Variants in PIP4K2C observed in about 807,000 individuals in gnomAD.
PIP4K2C encodes the protein phosphatidylinositol-5-phosphate 4-kinase type 2 gamma.
In PIP4K2C, 21 loss-of-function variants were observed where a neutral mutation model predicts 45.0. The ratio of observed to expected loss-of-function variants is 0.47; its 90% confidence interval spans 0.33 to 0.67. The LOEUF (loss-of-function observed/expected upper bound fraction) is 0.67. Ranked by LOEUF, PIP4K2C falls within the 30% of genes least tolerant of loss-of-function variation. The pLI is 0.02. For synonymous variants in PIP4K2C, 201 were observed against 204.8 expected (o/e 0.98, Z 0.16); for missense variants, 456 against 542.8 (o/e 0.84, Z 1.59).
At chr12:57,594,269 G>A in intron 2 of PIP4K2C, 147 bp downstream of exon 2, 1 of 671,200 alleles carries the variant, frequency 1.5e-6, no homozygotes, top group Non-Finnish European at 2.5e-6. Context: ...AATAATTTCT[G>A]GTGTTCCCTA....
intron 1 of PIP4K2C, 75 bp from the exon 2 acceptor site, chr12:57,593,950 C>A: frequency 1.8e-6 from 2 of 1,089,712 alleles, no homozygotes; most frequent in Non-Finnish European, 2.7e-6. Context: ...TGCATGACTG[C>A]TGCCCAGACA....
At chr12:57,599,561 T>A in intron 6 of PIP4K2C, 123 bp downstream of exon 6, 1 of 1,094,818 alleles carries the variant, frequency 9.1e-7, no homozygotes, top group Non-Finnish European at 1.4e-6. Context: ...TTTATTATCT[T>A]AAACCACTTA....
chr12:57,598,053 AAG>A (rs1432968449), intron 4 of PIP4K2C: 1 of 152,182 alleles, frequency 6.6e-6, no homozygotes, highest in East Asian at 1.9e-4. Flanking sequence ...GCAACACAGA[AAG>A]AGAGATGGTA....
At position 57,591,340 on chromosome 12, in the gene PIP4K2C, C is replaced by T. The variant is rs369839047; in HGVS notation, c.51C>T (p.Gly17=). 6.2e-7 allele frequency: 1 copy of T among 1,613,302 alleles called. No individual in the cohort carries two copies. The highest frequency in any genetic ancestry group is 1.3e-5 in the African/African-American group (1 of 74,994). Residue 17 remains glycine (G), a synonymous_variant, in exon 1 of 10, where the codon GGC becomes GGT. Coordinates refer to ENST00000354947, the MANE Select transcript of PIP4K2C (RefSeq NM_024779.5). ...PPATVSAATA[G]PGPGFGFASK... ...CCACGGTATCGGCGGCGACAGCAGG[C>T]CCCGGCCCAGGTTTCGGCTTCGCCT...
chr12:57,599,592 G>T (rs1038724158), intron 6 of PIP4K2C, among the ~76,000 whole-genome samples, 154 bp downstream of exon 6: 6 of 152,156 alleles, frequency 3.9e-5, no homozygotes, highest in Admixed American at 2.6e-4. Context: ...GTAAACTTCT[G>T]TTGATCCGGG....
Position 57,591,445 on chromosome 12 carries a change from G to C in PIP4K2C, c.156G>C (p.Leu52=). 6.2e-7 allele frequency: 1 copy of C among 1,612,580 alleles called. No individual in the cohort carries two copies. Among genetic ancestry groups the C allele is most frequent in the Admixed American group, 1.7e-5 (1 of 59,898 alleles). ...RAADPLVGVF[L]WGVAHSINEL... is the part of the protein sequence containing the mutation. ...CCGACCCGCTGGTGGGTGTGTTCCT[G>C]TGGGGCGTAGCCCACTCGGTGAGAA... The change falls in exon 1 of 10, where the codon CTG becomes CTC. Residue 52 remains leucine (L), a synonymous_variant. Transcript: ENST00000354947.
intron 4 of PIP4K2C, among the ~76,000 whole-genome samples, chr12:57,596,839 A>G (rs1883216513): frequency 6.6e-6 from 1 of 152,240 alleles, no homozygotes; most frequent in Admixed American, 6.5e-5. Context: ...AGTGAAGAGC[A>G]TCCGAACTCA....
intron 3 of PIP4K2C, among the ~76,000 whole-genome samples, chr12:57,595,530 C>T (rs991481280): frequency 2.0e-5 from 3 of 151,988 alleles, no homozygotes; most frequent in Non-Finnish European, 2.9e-5. Context: ...CATGGCAAAA[C>T]CCTGTCTCTA....
intron 1 of PIP4K2C, 95 bp from the exon 2 acceptor site, chr12:57,593,930 G>GCTTT (rs1883079542): frequency 1.3e-6 from 1 of 777,154 alleles, no homozygotes; most frequent in Admixed American, 2.5e-5. Context: ...AATGAGGTCT[G>GCTTT]AGTGGCCCTT....
At position 57,594,072 on chromosome 12, in the gene PIP4K2C, T is replaced by A; in HGVS notation, c.222T>A (p.Asp74Glu). The change falls in exon 2 of 10, where the codon GAT (aspartate) becomes GAA (glutamate). Residue 74 changes from aspartate to glutamate, a missense_variant. Coordinates refer to ENST00000354947, the MANE Select transcript of PIP4K2C (RefSeq NM_024779.5). Reference protein sequence around the residue: ...QVPPPVMLLPDDFKASSKIKV... With the variant: ...QVPPPVMLLPEDFKASSKIKV... ...CTCCCCCGGTGATGCTGCTGCCAGA[T>A]GACTTTAAGGCCAGCTCCAAGATCA... 6 of 1,614,084 alleles carry A rather than the reference T, an allele frequency of 3.7e-6. No individual in the cohort carries two copies. The highest frequency in any genetic ancestry group is 5.1e-6 in the Non-Finnish European group (6 of 1,180,004).
chr12:57,595,835 T>A, intron 3 of PIP4K2C, 53 bp from the exon 4 acceptor site: 7 of 1,595,210 alleles, frequency 4.4e-6, no homozygotes, highest in Non-Finnish European at 6.0e-6. Flanking sequence ...CTATGACTTG[T>A]TTCTGCATAT....
chr12:57,603,356 T>A lies in PIP4K2C; in HGVS notation c.*1750T>A, dbSNP rs1408080660. On this transcript the variant is annotated 3_prime_UTR_variant, in exon 10 of 10. Coordinates refer to ENST00000354947, the MANE Select transcript of PIP4K2C (RefSeq NM_024779.5). ...TTTTTCATCTTTTTTGTTTTATTAA[T>A]AAAAATTTATGTATTTGCTCCTGTT... 1 of 152,500 alleles carries A rather than the reference T, an allele frequency of 6.6e-6. No homozygotes were observed. Among genetic ancestry groups the A allele is most frequent in the Non-Finnish European group, 1.5e-5 (1 of 68,034 alleles). The allele number at this position is 152,500 out of a possible 1,614,324, so 9.4% of individuals were successfully genotyped here.
chr12:57,591,731 A>C (rs1354350937), intron 1 of PIP4K2C, among the ~76,000 whole-genome samples: 1 of 151,966 alleles, frequency 6.6e-6, no homozygotes, highest in African/African-American at 2.4e-5. Context: ...CCTTCCTGCC[A>C]TGTCTAGCTT....
Position 57,600,983 on chromosome 12 carries a change from C to T in PIP4K2C, c.986C>T (p.Pro329Leu). The change falls in exon 8 of 10, where the codon CCA (proline) becomes CTA (leucine). Residue 329 changes from proline to leucine, a missense_variant. Physicochemically the swap from Pro to Leu is moderately conservative, Grantham distance 98 (BLOSUM62 -3). Around this residue, in one of 2 missense-constraint regions of PIP4K2C, gnomAD observed 421 missense variants for 473.1 expected, o/e 0.89. Transcript: ENST00000354947. ...PALVGSYGTS[P>L]EGIGGYIHSH... Reference sequence around the variant, plus strand: ...CTGGTGGGCTCCTATGGCACCTCCCCAGAGGGTATCGGAGGCTACATCCAT... The same window carrying T: ...CTGGTGGGCTCCTATGGCACCTCCCTAGAGGGTATCGGAGGCTACATCCAT... The T allele has an allele frequency of 6.2e-7, 1 of 1,614,194 alleles. No homozygotes were observed.
intron 8 of PIP4K2C, 63 bp downstream of exon 8, chr12:57,601,141 GTGC>G: frequency 6.2e-7 from 1 of 1,601,464 alleles, no homozygotes. Context: ...AGAGACCAGA[GTGC>G]TGGGGGAGAG....
chr12:57,598,975 A>G (rs1393632927), intron 4 of PIP4K2C, 90 bp from the exon 5 acceptor site: 11 of 1,406,628 alleles, frequency 7.8e-6, no homozygotes, highest in Non-Finnish European at 9.9e-6. Flanking sequence ...CCTCTGCTCT[A>G]CCCTGGAATG....
Position 57,599,101 on chromosome 12 carries a change from C to T in PIP4K2C, c.550C>T (p.Gln184Ter), listed in dbSNP as rs200493008. 4.0e-5 allele frequency: 65 copies of T among 1,614,094 alleles called. No individual in the cohort carries two copies. The highest frequency in any genetic ancestry group is 5.2e-5 in the Non-Finnish European group (61 of 1,180,026). The change falls in exon 5 of 10, where the codon CAG becomes TAG. Residue 184 changes from glutamine (Q) to a stop codon, truncating the protein, a stop_gained. Coordinates refer to ENST00000354947, the MANE Select transcript of PIP4K2C (RefSeq NM_024779.5). LOFTEE classifies it high-confidence loss of function. The part of the protein sequence containing the change: ...VKCHGNTLLP[Q>*]FLGMYRVSVD... ...GTGCCATGGCAACACGCTTCTGCCC[C>T]AGTTCCTGGGGATGTACCGAGTCAG...
rs374935805 is a variant in PIP4K2C, at chr12:57,600,865, A to G, written c.868A>G (p.Ile290Val). ...DYSLLLGIHD[I>V]IRGSEPEEEA... Reference sequence around the variant, plus strand: ...CAGCCTTCTGCTAGGCATCCACGACATCATTCGGGGCTCTGAACCAGAGGA... The same window carrying G: ...CAGCCTTCTGCTAGGCATCCACGACGTCATTCGGGGCTCTGAACCAGAGGA... The change falls in exon 8 of 10, where the codon ATC becomes GTC. Residue 290 changes from isoleucine to valine, a missense_variant. Ile to Val is a conservative substitution (Grantham distance 29). Around this residue, in one of 2 missense-constraint regions of PIP4K2C, gnomAD observed 421 missense variants for 473.1 expected, o/e 0.89. Transcript: ENST00000354947. 1.5e-5 allele frequency: 25 copies of G among 1,614,110 alleles called. No individual in the cohort carries two copies. The highest frequency in any genetic ancestry group is 2.1e-5 in the Non-Finnish European group (25 of 1,180,056).
intron 2 of PIP4K2C, 33 bp downstream of exon 2, chr12:57,594,155 C>T: frequency 1.3e-6 from 2 of 1,528,488 alleles, no homozygotes; most frequent in Non-Finnish European, 1.8e-6. Context: ...CTCATGTCAA[C>T]CTTCCCAGAA....
Sources: allele counts gnomAD v4.1 joint callset (sites outside exome capture counted in the v4.1 genomes callset), GRCh38; gene constraint gnomAD v4.1.1; regional missense constraint gnomAD v4.1.1; transcripts MANE v1.5; gene names NCBI Gene and HGNC (gene_info 2026-07-23, HGNC 2026-07-21).